Variants in TBC1D16 observed in about 807,000 individuals in gnomAD.
TBC1D16 encodes the protein TBC1 domain family member 16, also known as CTD-2529O21.1.
Under a neutral mutation model 74.7 loss-of-function variants are expected in TBC1D16, and 58 were observed. The observed-to-expected ratio is 0.78, with a 90% CI of 0.63 to 0.97. TBC1D16 has a LOEUF of 0.97. Among genes scored for constraint, TBC1D16 ranks in the 50% least tolerant of loss-of-function variants. The probability of loss-of-function intolerance (pLI) is 0.00; values close to 1 mark genes in which losing one functional copy is unlikely to be tolerated. For missense variants in TBC1D16, 1,014 were observed against 1,079.5 expected (o/e 0.94, Z 0.85); for synonymous variants, 493 against 474.7 (o/e 1.04, Z -0.50).
Position 79,949,808 on chromosome 17 carries a change from G to A in TBC1D16, c.1315C>T (p.Leu439=). 6.2e-7 allele frequency: 1 copy of A among 1,613,852 alleles called. No homozygotes were observed. Among genetic ancestry groups the A allele is most frequent in the Non-Finnish European group, 8.5e-7 (1 of 1,179,978 alleles). ...SIRGEVWPFL[L]RYYSHESTSE... ...GTGGACTCGTGGCTGTAATAGCGCA[G>A]CAGGAAGGGCCAGACCTCCCCGCGG... Residue 439 remains leucine (L), a synonymous_variant, in exon 7 of 12, where the codon CTG becomes TTG. Coordinates refer to ENST00000310924, the MANE Select transcript of TBC1D16 (RefSeq NM_019020.4).
intron 3 of TBC1D16, among the ~76,000 whole-genome samples, chr17:80,003,087 G>C (rs1269085601): frequency 6.6e-6 from 1 of 152,212 alleles, no homozygotes; most frequent in African/African-American, 2.4e-5. Context: ...TTGGGGTGAA[G>C]TGCCCAGTGT....
intron 3 of TBC1D16, among the ~76,000 whole-genome samples, chr17:80,006,559 G>C (rs2035686684): frequency 6.6e-6 from 1 of 152,204 alleles, no homozygotes; most frequent in Non-Finnish European, 1.5e-5. Flanking sequence ...ACCATGTGGT[G>C]GGGGCCAGAA....
chr17:80,014,855 G>A (rs2036029535), intron 1 of TBC1D16, among the ~76,000 whole-genome samples: 2 of 152,130 alleles, frequency 1.3e-5, no homozygotes. Flanking sequence ...CTCAGCACTG[G>A]GTCAGAGAAC....
intron 1 of TBC1D16, among the ~76,000 whole-genome samples, chr17:80,014,884 C>A (rs944562473): frequency 3.3e-5 from 5 of 152,202 alleles, no homozygotes; most frequent in African/African-American, 4.8e-5. Flanking sequence ...CGTGAGGACA[C>A]ATTCATGTGG....
At position 79,933,311 on chromosome 17, in the gene TBC1D16, T is replaced by G. The variant is rs2031373526; in HGVS notation, c.*7548A>C. On this transcript the variant is annotated 3_prime_UTR_variant, in exon 12 of 12. Coordinates refer to ENST00000310924, the MANE Select transcript of TBC1D16 (RefSeq NM_019020.4). ...GGGGGATACTGAGGGTCCGTCTCAC[T>G]GGGACGAAGAGGGGGCACAGATGCA... 6.6e-6 allele frequency: 1 copy of G among 151,778 alleles called. No homozygotes were observed. The highest frequency in any genetic ancestry group is 2.1e-4 in the South Asian group (1 of 4,798). The allele number at this position is 151,778 out of a possible 1,614,324, so 9.4% of individuals were successfully genotyped here.
At chr17:79,978,409 G>A (rs2034430705) in intron 3 of TBC1D16, among the ~76,000 whole-genome samples, 1 of 147,806 alleles carries the variant, frequency 6.8e-6, no homozygotes. Context: ...TTTAGGAAAA[G>A]ATAACCAGGC....
intron 1 of TBC1D16, among the ~76,000 whole-genome samples, chr17:80,022,532 G>C (rs1221517268): frequency 6.7e-6 from 1 of 149,290 alleles, no homozygotes; most frequent in Non-Finnish European, 1.5e-5. Flanking sequence ...AGACACCAGA[G>C]TTCACCACGT....
rs1321725934 is a variant in TBC1D16 at position 79,941,956 on chromosome 17, G to A, written c.2055+104C>T. On this transcript the variant is annotated intron_variant, in intron 11 of 11. Coordinates refer to ENST00000310924, the MANE Select transcript of TBC1D16 (RefSeq NM_019020.4). This position sits in a 1 kb window ranked among gnomAD's most constrained non-coding sequence, Gnocchi z 4.3. The stretch of plus-strand genomic sequence containing the variant: ...GCCATGGTGGGGATGGGGCTCTGGG[G>A]GCGGGGCCCACATCTGGGGCAGCCT... 1.9e-5 allele frequency: 22 copies of A among 1,128,678 alleles called. No homozygotes were observed. Among genetic ancestry groups the A allele is most frequent in the East Asian group, 7.7e-5 (3 of 38,760 alleles). 69.9% of individuals were successfully genotyped at this position (1,128,678 alleles called of 1,614,324 possible).
At chr17:79,977,701 C>A (rs571661559) in intron 3 of TBC1D16, among the ~76,000 whole-genome samples, 1 of 152,270 alleles carries the variant, frequency 6.6e-6, no homozygotes, top group Admixed American at 6.5e-5. Context: ...AACTGAAGCA[C>A]GTCTGGCATA....
At chr17:80,023,043 G>A (rs1408136433) in intron 1 of TBC1D16, among the ~76,000 whole-genome samples, 1 of 150,158 alleles carries the variant, frequency 6.7e-6, no homozygotes, top group African/African-American at 2.5e-5. Context: ...CCTCTCAGCT[G>A]CCGCAACGCT....
chr17:79,955,947 C>T (rs1048188653), intron 3 of TBC1D16, among the ~76,000 whole-genome samples: 1 of 152,212 alleles, frequency 6.6e-6, no homozygotes, highest in East Asian at 1.9e-4. Flanking sequence ...TCTAGGTGGG[C>T]CTTTTTTGAC....
In TBC1D16 at chr17:80,000,384, C is replaced by A. The variant is rs540901946; in HGVS notation, c.779+9776G>T. Among the ~76,000 whole-genome samples, 33 of 152,292 alleles carry A rather than the reference C, an allele frequency of 2.2e-4. No homozygotes were observed. Among genetic ancestry groups the A allele is most frequent in the African/African-American group, 7.0e-4 (29 of 41,554 alleles). On this transcript the variant is annotated intron_variant, in intron 3 of 11. Coordinates refer to ENST00000310924, the MANE Select transcript of TBC1D16 (RefSeq NM_019020.4). This position sits in a 1 kb window ranked among gnomAD's most constrained non-coding sequence, Gnocchi z 4.1. ...AAGAGAGGGCACACAAAGGGACACA[C>A]CCTGTCCATGTGGCAACAGAGGCAG...
In TBC1D16 at chr17:80,013,435, A is replaced by T; in HGVS notation, c.113T>A (p.Ile38Asn). 1 of 1,606,786 alleles carries T rather than the reference A, an allele frequency of 6.2e-7. No individual in the cohort carries two copies. Among genetic ancestry groups the T allele is most frequent in the Non-Finnish European group, 8.5e-7 (1 of 1,177,098 alleles). ...GSPSVLDGEI[I>N]YSKNNVCVHP... ...CACGCAGACATTGTTCTTGGAGTAG[A>T]TGATCTCTCCATCCAGGACAGAGGG... The change falls in exon 2 of 12, where the codon ATC (isoleucine) becomes AAC (asparagine). Residue 38 changes from isoleucine to asparagine, a missense_variant. Ile to Asn is a moderately radical substitution (Grantham distance 149). Transcript: ENST00000310924.
rs111796892 is a variant in TBC1D16 at position 80,013,530 on chromosome 17, G to A, written c.18C>T (p.Leu6=). ...AGGCTTTGGAGGAGGCCCTGCGAAG[G>A]AGGCGGCCCAGAGACATTGCCGGGC... MSLGR[L]LRRASSKASD... Residue 6 remains leucine, a synonymous_variant, in exon 2 of 12, where the codon CTC becomes CTT. Transcript: ENST00000310924. 1.2e-5 allele frequency: 18 copies of A among 1,541,090 alleles called. 2 individuals carry two copies. In the African/African-American group the frequency reaches 1.8e-4, roughly 15 times the overall value.
At chr17:80,012,094 TC>T (rs1338918718) in intron 2 of TBC1D16, among the ~76,000 whole-genome samples, 1 of 151,916 alleles carries the variant, frequency 6.6e-6, no homozygotes, top group East Asian at 1.9e-4. Context: ...TTCCTGGGCC[TC>T]CCCCACCCAC....
chr17:80,029,491 C>A (rs1027582279), intron 1 of TBC1D16, among the ~76,000 whole-genome samples: 3 of 152,202 alleles, frequency 2.0e-5, no homozygotes, highest in African/African-American at 7.2e-5. Flanking sequence ...TTTGGTGACT[C>A]ACTGTGTGAG....
At chr17:79,946,555 G>A (rs1359120494) in intron 9 of TBC1D16, among the ~76,000 whole-genome samples, 1 of 152,188 alleles carries the variant, frequency 6.6e-6, no homozygotes. Context: ...GTCACACTCT[G>A]TGTCCTGGGG....
Position 80,000,116 on chromosome 17 carries a change from C to T in TBC1D16, c.779+10044G>A, listed in dbSNP as rs551469013. 1.3e-5 allele frequency among the ~76,000 whole-genome samples: 2 copies of T among 152,312 alleles called. No individual in the cohort carries two copies. Among genetic ancestry groups the T allele is most frequent in the East Asian group, 1.9e-4 (1 of 5,178 alleles). ...ACTTGTGCTGAAGGCTTGAGCTCTG[C>T]GTCACCCTTTCCTAAAACGGGGTGA... On this transcript the variant is annotated intron_variant, in intron 3 of 11. Transcript: ENST00000310924. The surrounding 1 kb of genome is among the most constrained non-coding windows in gnomAD (Gnocchi z 4.1).
rs2036985620 is a variant in TBC1D16, at chr17:80,035,798, G to A, written c.-66C>T. ...CCGTCCGGGCCCCGATACCCACCCG[G>A]GTCCCGCTGCGGGGGCCGGATTCGC... On this transcript the variant is annotated 5_prime_UTR_variant, in exon 1 of 12. Coordinates refer to ENST00000310924, the MANE Select transcript of TBC1D16 (RefSeq NM_019020.4). The surrounding 1 kb of genome is among the most constrained non-coding windows in gnomAD (Gnocchi z 5.3). The A allele has an allele frequency of 6.8e-6, 1 of 146,366 alleles. No homozygotes were observed. The highest frequency in any genetic ancestry group is 6.8e-5 in the Admixed American group (1 of 14,782). 9.1% of individuals were successfully genotyped at this position (146,366 alleles called of 1,614,324 possible).
Sources: gnomAD v4.1 joint callset for allele counts (sites outside exome capture counted in the v4.1 genomes callset) on GRCh38, gnomAD v4.1.1 for gene constraint, Gnocchi (gnomAD v3.1) non-coding constraint, MANE v1.5 for transcripts, NCBI Gene and HGNC (gene_info 2026-07-23, HGNC 2026-07-21) for gene names.